MCF2L2: variants seen among roughly 807,000 people sequenced by gnomAD.
MCF2L2 encodes the protein probable guanine nucleotide exchange factor MCF2L2.
MCF2L2 carries 102 observed loss-of-function variants against 150.2 expected under a neutral mutation model. That is an observed-to-expected ratio of 0.68 (90% CI 0.58 to 0.80). MCF2L2 has a LOEUF of 0.80. Ranked by LOEUF, MCF2L2 falls within the 30% of genes least tolerant of loss-of-function variation. The pLI, the probability that MCF2L2 is intolerant of heterozygous loss-of-function variation, is 0.00. For missense variants in MCF2L2, 1,256 were observed against 1,372.8 expected (o/e 0.91, Z 1.34); for synonymous variants, 465 against 491.3 (o/e 0.95, Z 0.71).
In MCF2L2 at chr3:183,179,368, TCC is replaced by T. The variant is rs1188837638; in HGVS notation, c.*10_*11del. On this transcript the variant is annotated 3_prime_UTR_variant, in exon 30 of 30. Transcript: ENST00000328913. This position sits in a 1 kb window ranked among gnomAD's most constrained non-coding sequence, Gnocchi z 4.2. ...GCTCTGGAGCCGAGGAGCGGGGGCG[TCC>T]GCAGGGAGGTCAGCTCTCCTGGGCG... 5.5e-6 allele frequency: 8 copies of T among 1,445,918 alleles called. No homozygotes were observed. Among genetic ancestry groups the T allele is most frequent in the Non-Finnish European group, 7.3e-6 (8 of 1,100,482 alleles). The allele number at this position is 1,445,918 out of a possible 1,614,324, so 89.6% of individuals were successfully genotyped here.
rs1207919276 is a variant in MCF2L2 at position 183,244,139 on chromosome 3, GA to G, written c.1863-13123del. Among the ~76,000 whole-genome samples the G allele has an allele frequency of 4.0e-5, 6 of 149,756 alleles. No homozygotes were observed. The East Asian group carries it at 9.8e-4, about 24-fold the overall frequency. On this transcript the variant is annotated intron_variant, in intron 15 of 29. Transcript: ENST00000328913. Reference sequence around the variant, plus strand: ...ACTCCAGCTCAAAAACAAAAAAAAAGAAAAAAAAGAAATCCATCCTTAAAAT... The same window carrying G: ...ACTCCAGCTCAAAAACAAAAAAAAAGAAAAAAAGAAATCCATCCTTAAAAT...
intron 15 of MCF2L2, among the ~76,000 whole-genome samples, chr3:183,246,073 G>A (rs1724238064): frequency 6.6e-6 from 1 of 152,132 alleles, no homozygotes; most frequent in Non-Finnish European, 1.5e-5. Flanking sequence ...GTAACTTTGT[G>A]CATATAGCAC....
intron 1 of MCF2L2, among the ~76,000 whole-genome samples, chr3:183,390,930 A>G (rs920084824): frequency 6.6e-6 from 1 of 152,078 alleles, no homozygotes; most frequent in Non-Finnish European, 1.5e-5. Context: ...AACAATAACA[A>G]AAAATGAATG....
intron 22 of MCF2L2, among the ~76,000 whole-genome samples, chr3:183,210,502 A>G (rs1473819123): frequency 6.6e-6 from 1 of 152,210 alleles, no homozygotes; most frequent in Non-Finnish European, 1.5e-5. Flanking sequence ...TCTCCCAGTG[A>G]TATGTTGTCA....
chr3:183,216,555 TATATATA>T (rs1722927667), intron 21 of MCF2L2, among the ~76,000 whole-genome samples: 3 of 3,426 alleles, frequency 8.8e-4, no homozygotes, highest in African/African-American at 2.6e-3. Flanking sequence ...ATATATATTA[TATATATA>T]TATATATATA....
chr3:183,357,893 T>C (rs541955241), intron 3 of MCF2L2, among the ~76,000 whole-genome samples: 1 of 150,454 alleles, frequency 6.6e-6, no homozygotes, highest in Admixed American at 6.6e-5. Flanking sequence ...TGAGTAACAG[T>C]GATAAGAAAA....
At chr3:183,265,417 T>C (rs1055343570) in intron 15 of MCF2L2, 2 of 152,358 alleles carry the variant, frequency 1.3e-5, no homozygotes, top group African/African-American at 2.4e-5. Flanking sequence ...GCTTGTGGGC[T>C]TCTTCCTAGG....
chr3:183,211,635 C>T (rs1378531042), intron 22 of MCF2L2, among the ~76,000 whole-genome samples: 3 of 152,250 alleles, frequency 2.0e-5, no homozygotes, highest in Non-Finnish European at 2.9e-5. Context: ...TTTTCCGTCA[C>T]GTGTACCTTT....
chr3:183,240,724 G>T (rs1723983336), intron 15 of MCF2L2, among the ~76,000 whole-genome samples: 1 of 152,196 alleles, frequency 6.6e-6, no homozygotes, highest in Non-Finnish European at 1.5e-5. Flanking sequence ...TTTCACAAGT[G>T]CCCTGGATGA....
chr3:183,366,893 C>A (rs1462860968), intron 3 of MCF2L2, among the ~76,000 whole-genome samples: 3 of 151,766 alleles, frequency 2.0e-5, no homozygotes, highest in African/African-American at 7.3e-5. Flanking sequence ...AAAGAATCTG[C>A]AAGATAGTAA....
At chr3:183,411,981 T>A (rs934782437) in intron 1 of MCF2L2, among the ~76,000 whole-genome samples, 15 of 152,192 alleles carry the variant, frequency 9.9e-5, no homozygotes, top group African/African-American at 3.4e-4. Flanking sequence ...GAATTACGTT[T>A]TCTCTGTGAA....
At position 183,278,550 on chromosome 3, in the gene MCF2L2, C is replaced by T. The variant is rs1727297255; in HGVS notation, c.1777-1593G>A. Among the ~76,000 whole-genome samples the T allele has an allele frequency of 2.6e-5, 4 of 152,162 alleles. No homozygotes were observed. In the South Asian group the frequency reaches 8.3e-4, roughly 31 times the overall value. On this transcript the variant is annotated intron_variant, in intron 14 of 29. Transcript: ENST00000328913. ...TCCTTTTGCAGTTTCTCATCTATGA[C>T]ATTACTATGCCTGAATTCCCCACTG...
intron 2 of MCF2L2, among the ~76,000 whole-genome samples, chr3:183,386,421 C>T (rs548322483): frequency 6.6e-6 from 1 of 152,218 alleles, no homozygotes; most frequent in Non-Finnish European, 1.5e-5. Flanking sequence ...ATCCAGAGGC[C>T]GCAAACCATC....
In MCF2L2 at chr3:183,275,758, T is replaced by C. The variant is rs181242197; in HGVS notation, c.1862+1114A>G. ...TCTCCTGAGTAACTGAGACTACAGG[T>C]GCACCCCACCACATCCCGCTAAATG... On this transcript the variant is annotated intron_variant, in intron 15 of 29. Transcript: ENST00000328913. Among the ~76,000 whole-genome samples the C allele has an allele frequency of 3.3e-5, 5 of 152,218 alleles. No homozygotes were observed. The East Asian group carries it at 9.7e-4, about 29-fold the overall frequency.
At position 183,341,040 on chromosome 3, in the gene MCF2L2, G is replaced by A. The variant is rs138199792; in HGVS notation, c.366+500C>T. ...AGGATTTAAGTACAGGTAGTTTGTTGGGGAAGTGATTCCAGGAAGCACGAA... is the reference window on the plus strand; with the variant it reads ...AGGATTTAAGTACAGGTAGTTTGTTAGGGAAGTGATTCCAGGAAGCACGAA... On this transcript the variant is annotated intron_variant, in intron 4 of 29. Transcript: ENST00000328913. Among the ~76,000 whole-genome samples, 797 of 152,286 alleles carry A rather than the reference G, an allele frequency of 5.2e-3. 7 individuals carry two copies. Among genetic ancestry groups the A allele is most frequent in the African/African-American group, 0.019 (769 of 41,548 alleles).
intron 5 of MCF2L2, among the ~76,000 whole-genome samples, chr3:183,336,016 C>T (rs1730464371): frequency 6.6e-6 from 1 of 152,206 alleles, no homozygotes; most frequent in African/African-American, 2.4e-5. Flanking sequence ...GGTCCCTCAC[C>T]AGACACCAAA....
intron 21 of MCF2L2, among the ~76,000 whole-genome samples, chr3:183,217,901 G>T (rs2108658372): frequency 6.6e-6 from 1 of 152,320 alleles, no homozygotes; most frequent in South Asian, 2.1e-4. Context: ...TGGGGTGATT[G>T]TTTCAGCTCT....
chr3:183,349,457 T>C lies in MCF2L2; in HGVS notation c.276-7827A>G, dbSNP rs141973503. On this transcript the variant is annotated intron_variant, in intron 3 of 29. Transcript: ENST00000328913. ...TTTTTTCTTTGATTCATAGGTTATA[T>C]AGAGGTGGTTGCTTAGCTTCCGAAT... is the stretch of plus-strand genomic sequence containing the variant. Among the ~76,000 whole-genome samples the C allele has an allele frequency of 7.2e-5, 11 of 152,324 alleles. No individual in the cohort carries two copies. The East Asian group carries it at 2.1e-3, about 29-fold the overall frequency.
chr3:183,414,297 T>A (rs1715473267), intron 1 of MCF2L2, among the ~76,000 whole-genome samples: 1 of 152,148 alleles, frequency 6.6e-6, no homozygotes, highest in Non-Finnish European at 1.5e-5. Flanking sequence ...ATTTCTTGAG[T>A]CATTTTTGGT....
Sources: gnomAD v4.1 joint callset for allele counts (sites outside exome capture counted in the v4.1 genomes callset) on GRCh38, gnomAD v4.1.1 for gene constraint, Gnocchi (gnomAD v3.1) non-coding constraint, MANE v1.5 for transcripts, NCBI Gene and HGNC (gene_info 2026-07-23, HGNC 2026-07-21) for gene names.